Variants in MYBPHL observed in about 807,000 individuals in gnomAD.
The protein encoded by MYBPHL is myosin binding protein H like.
MYBPHL carries 32 observed loss-of-function variants against 39.5 expected under a neutral mutation model. The observed-to-expected ratio is 0.81, with a 90% confidence interval of 0.61 to 1.09. The LOEUF (loss-of-function observed/expected upper bound fraction) is 1.09. Among genes scored for constraint, MYBPHL ranks in the 50% least tolerant of loss-of-function variants. The pLI is 0.00. For missense variants in MYBPHL, 456 were observed against 460.2 expected (o/e 0.99, Z 0.08); for synonymous variants, 196 against 183.7 (o/e 1.07, Z -0.54).
In MYBPHL at chr1:109,297,422, CA is replaced by C. The variant is rs1658119152; in HGVS notation, c.429del (p.Ile143MetfsTer153). On this transcript the variant is annotated frameshift_variant and splice_region_variant, in exon 3 of 9. Coordinates refer to ENST00000357155, the MANE Select transcript of MYBPHL (RefSeq NM_001010985.3). LOFTEE classifies it high-confidence loss of function. ...EATATIDILV[I>X]ERPGPPQSIK... ...CCATCTCCCACTTCCCCCACCGTAC[CA>C]ATCACCAGGATGTCAATGGTGGCGG... The C allele has an allele frequency of 6.2e-7, 1 of 1,611,186 alleles. No homozygotes were observed. Among genetic ancestry groups the C allele is most frequent in the South Asian group, 1.1e-5 (1 of 90,854 alleles).
At chr1:109,301,419 T>C (rs1658272522) in intron 1 of MYBPHL, among the ~76,000 whole-genome samples, 1 of 152,196 alleles carries the variant, frequency 6.6e-6, no homozygotes, top group South Asian at 2.1e-4. Context: ...CAGGATGCTG[T>C]TTAATTCTTT....
chr1:109,292,858 T>C (rs974050650), intron 8 of MYBPHL: 10 of 152,362 alleles, frequency 6.6e-5, no homozygotes, highest in Admixed American at 2.0e-4. Flanking sequence ...TTCTCTTTAG[T>C]TCTGTCTCAA....
intron 6 of MYBPHL, 142 bp from the exon 7 acceptor site, chr1:109,295,439 G>GGAAACC: frequency 1.5e-6 from 1 of 681,744 alleles, no homozygotes; most frequent in Non-Finnish European, 2.3e-6. Context: ...TGTGGGAAGG[G>GGAAACC]TTTCCCCTTC....
chr1:109,302,296 C>T (rs778198692), intron 1 of MYBPHL, among the ~76,000 whole-genome samples: 6 of 152,038 alleles, frequency 3.9e-5, no homozygotes, highest in African/African-American at 1.5e-4. Flanking sequence ...CAAGAAGTAC[C>T]GGGATTTCTT....
At chr1:109,301,016 C>T (rs992923366) in intron 1 of MYBPHL, among the ~76,000 whole-genome samples, 1 of 152,216 alleles carries the variant, frequency 6.6e-6, no homozygotes, top group African/African-American at 2.4e-5. Context: ...GTGGCAGCTT[C>T]AGATGCCCAG....
chr1:109,296,153 G>A, intron 6 of MYBPHL, 81 bp downstream of exon 6: 1 of 1,544,200 alleles, frequency 6.5e-7, no homozygotes, highest in Admixed American at 2.0e-5. Flanking sequence ...TTATGTTACA[G>A]TGCTCTGCAA....
intron 1 of MYBPHL, among the ~76,000 whole-genome samples, chr1:109,301,610 G>A (rs555048397): frequency 5.5e-4 from 83 of 152,034 alleles, no homozygotes; most frequent in African/African-American, 1.9e-3. Flanking sequence ...GTGTGGTGGC[G>A]GGCACCTGTA....
intron 8 of MYBPHL, 74 bp downstream of exon 8, chr1:109,294,132 T>A (rs1387716963): frequency 5.0e-6 from 5 of 1,008,164 alleles, no homozygotes; most frequent in Non-Finnish European, 3.2e-6. Context: ...GGAATGCACC[T>A]CTGTCCCTGA....
intron 6 of MYBPHL, among the ~76,000 whole-genome samples, chr1:109,295,641 C>T (rs1658032994): frequency 6.6e-6 from 1 of 152,250 alleles, no homozygotes; most frequent in Non-Finnish European, 1.5e-5. Flanking sequence ...ATTCTGTTCC[C>T]ACTGCTGACT....
chr1:109,306,157 A>C (rs1457808036), intron 1 of MYBPHL, among the ~76,000 whole-genome samples: 2 of 152,172 alleles, frequency 1.3e-5, no homozygotes, highest in Non-Finnish European at 2.9e-5. Flanking sequence ...CGAAGTGGTT[A>C]GCTACAGAGG....
chr1:109,302,457 G>C (rs527658664), intron 1 of MYBPHL, among the ~76,000 whole-genome samples: 1 of 152,164 alleles, frequency 6.6e-6, no homozygotes, highest in East Asian at 1.9e-4. Context: ...ATAGGAACAG[G>C]CAACACTTCT....
At chr1:109,305,237 GC>G (rs1464294873) in intron 1 of MYBPHL, among the ~76,000 whole-genome samples, 2 of 152,210 alleles carry the variant, frequency 1.3e-5, no homozygotes, top group Non-Finnish European at 2.9e-5. Flanking sequence ...GGATTGACTT[GC>G]CTAGGGCCAC....
At chr1:109,303,099 T>TGG in intron 1 of MYBPHL, among the ~76,000 whole-genome samples, 1 of 152,224 alleles carries the variant, frequency 6.6e-6, no homozygotes, top group Non-Finnish European at 1.5e-5. Flanking sequence ...TTTTAGTTCT[T>TGG]ACGCTAGTGA....
rs184070838 is a variant in MYBPHL, at chr1:109,297,474, G to T, written c.378C>A (p.Arg126=). Residue 126 remains arginine (R), a synonymous_variant, in exon 3 of 9, where the codon CGC becomes CGA. Transcript: ENST00000357155. ...TGGCCTCCAGCCCACCCAGCTGCAC[G>T]CGGAGTTGGTAGCGACCTGAGTCAG... ...QRADSGRYQL[R]VQLGGLEATA... 2 of 1,613,402 alleles carry T rather than the reference G, an allele frequency of 1.2e-6. 1 individual carries two copies. Among genetic ancestry groups the T allele is most frequent in the African/African-American group, 2.7e-5 (2 of 75,010 alleles).
In MYBPHL at chr1:109,305,920, G is replaced by C. The variant is rs146987966; in HGVS notation, c.145+927C>G. Among the ~76,000 whole-genome samples the C allele has an allele frequency of 3.0e-3, 452 of 152,336 alleles. 9 individuals are homozygous for C. The highest frequency in any genetic ancestry group is 2.7e-3 in the East Asian group (14 of 5,188). ...TCTCAGCAATCCTTTCAACTACCCT[G>C]ATAGGTAGATGTTATTAATCACCAT... is the stretch of plus-strand genomic sequence containing the variant. On this transcript the variant is annotated intron_variant, in intron 1 of 8. Coordinates refer to ENST00000357155, the MANE Select transcript of MYBPHL (RefSeq NM_001010985.3).
rs371476842 is a variant in MYBPHL at position 109,297,203 on chromosome 1, G to C, written c.431-14C>G. The C allele has an allele frequency of 2.6e-5, 42 of 1,614,072 alleles. No homozygotes were observed. The highest frequency in any genetic ancestry group is 3.3e-5 in the Non-Finnish European group (39 of 1,180,026). On this transcript the variant is annotated splice_polypyrimidine_tract_variant and intron_variant, in intron 3 of 8. Transcript: ENST00000357155. ...GGCCTGGCCTCTCTGAAAGGGCAAAGCCATGGCAGTGGGCGTGGAACATCC... is the reference window on the plus strand; with the variant it reads ...GGCCTGGCCTCTCTGAAAGGGCAAACCCATGGCAGTGGGCGTGGAACATCC...
Position 109,297,076 on chromosome 1 carries a change from C to T in MYBPHL, c.544G>A (p.Val182Met). The part of the protein sequence containing the change: ...TGNTALLGYT[V>M]QKADTKSGLW... ...CCGGATTTTGTGTCAGCCTTCTGCACCGTGTATCCCAGAAGTGCTGTATTC... is the reference window on the plus strand; with the variant it reads ...CCGGATTTTGTGTCAGCCTTCTGCATCGTGTATCCCAGAAGTGCTGTATTC... Residue 182 changes from valine (V) to methionine (M), a missense_variant, in exon 4 of 9, where the codon GTG becomes ATG. By Grantham distance (21) the Val-to-Met change is conservative (BLOSUM62 1). Transcript: ENST00000357155. 1.2e-6 allele frequency: 2 copies of T among 1,614,182 alleles called. No individual in the cohort carries two copies. The highest frequency in any genetic ancestry group is 2.2e-5 in the East Asian group (1 of 44,870).
intron 1 of MYBPHL, among the ~76,000 whole-genome samples, chr1:109,302,135 GGTGT>G (rs985093195): frequency 1.2e-4 from 18 of 151,986 alleles, no homozygotes; most frequent in Admixed American, 2.6e-4. Context: ...GTCTGTGAAT[GGTGT>G]GTGTATGTGT....
chr1:109,296,940 C>T lies in MYBPHL; in HGVS notation c.573G>A (p.Leu191=). 2 of 1,614,172 alleles carry T rather than the reference C, an allele frequency of 1.2e-6. No individual in the cohort carries two copies. Among genetic ancestry groups the T allele is most frequent in the Non-Finnish European group, 1.7e-6 (2 of 1,180,018 alleles). The change falls in exon 5 of 9, where the codon CTG becomes CTA. Residue 191 remains leucine (L), a splice_region_variant and synonymous_variant. Coordinates refer to ENST00000357155, the MANE Select transcript of MYBPHL (RefSeq NM_001010985.3). ...GATAGTGCTCCAGCACCGTGAACCA[C>T]AGCTGCGGGGCCGAACATGATGCCA... ...TVQKADTKSG[L]WFTVLEHYHR...
Sources: gnomAD v4.1 joint callset for allele counts (sites outside exome capture counted in the v4.1 genomes callset) on GRCh38, gnomAD v4.1.1 for gene constraint, MANE v1.5 for transcripts, NCBI Gene and HGNC (gene_info 2026-07-23, HGNC 2026-07-21) for gene names.